Variants in C1GALT1 observed in about 807,000 individuals in gnomAD.
C1GALT1 encodes the protein glycoprotein-N-acetylgalactosamine 3-beta-galactosyltransferase 1.
Under a neutral mutation model 31.0 loss-of-function variants are expected in C1GALT1, and 11 were observed. That is an observed-to-expected ratio of 0.36 (90% CI 0.22 to 0.59). The LOEUF is 0.59. C1GALT1 is among the 20% of genes least tolerant of loss of function. C1GALT1 has a pLI of 0.79. For missense variants in C1GALT1, 424 were observed against 425.2 expected (o/e 1.00, Z 0.03); for synonymous variants, 175 against 143.6 (o/e 1.22, Z -1.56).
At chr7:7,195,839 A>G (rs558164958) in intron 1 of C1GALT1, among the ~76,000 whole-genome samples, 1 of 152,246 alleles carries the variant, frequency 6.6e-6, no homozygotes, top group South Asian at 2.1e-4. Context: ...TGTTTTATAA[A>G]TTAGGGAACT....
Position 7,245,763 on chromosome 7 carries a change from G to C in C1GALT1, c.*2036G>C, listed in dbSNP as rs1440113609. 1.3e-5 allele frequency: 2 copies of C among 152,174 alleles called. No individual in the cohort carries two copies. The highest frequency in any genetic ancestry group is 2.9e-5 in the Non-Finnish European group (2 of 68,026). The allele number at this position is 152,174 out of a possible 1,614,324, so 9.4% of individuals were successfully genotyped here. A position where few individuals can be genotyped will look rare whatever the true frequency, so the allele number is the denominator to read the frequency against. On this transcript the variant is annotated 3_prime_UTR_variant, in exon 4 of 4. Transcript: ENST00000436587. ...TACTATAGATATCCAAAAACCTTGAGATTTGCTCATAGGAAATGAATATTG... is the reference window on the plus strand; with the variant it reads ...TACTATAGATATCCAAAAACCTTGACATTTGCTCATAGGAAATGAATATTG...
intron 1 of C1GALT1, among the ~76,000 whole-genome samples, chr7:7,223,264 T>G (rs1418217047): frequency 2.0e-5 from 3 of 152,188 alleles, no homozygotes; most frequent in African/African-American, 4.8e-5. Flanking sequence ...GTTCAAGCAA[T>G]TCTCCTGCTT....
chr7:7,193,773 A>G (rs199561431), intron 1 of C1GALT1, among the ~76,000 whole-genome samples: 6 of 152,068 alleles, frequency 3.9e-5, no homozygotes, highest in Admixed American at 3.3e-4. Context: ...TGGCAGTATG[A>G]TCATTTTCAC....
chr7:7,211,278 A>G (rs185728536), intron 1 of C1GALT1, among the ~76,000 whole-genome samples: 1 of 152,356 alleles, frequency 6.6e-6, no homozygotes, highest in East Asian at 1.9e-4. Context: ...ACTGGAATGT[A>G]TTAAAGAAGA....
chr7:7,225,694 A>T (rs960189641), intron 1 of C1GALT1, among the ~76,000 whole-genome samples: 2 of 152,238 alleles, frequency 1.3e-5, no homozygotes, highest in African/African-American at 4.8e-5. Flanking sequence ...AGAGGCATGA[A>T]TATTTAGTCT....
chr7:7,164,718 C>T (rs1780374238), intron 2 of C1GALT1, among the ~76,000 whole-genome samples: 1 of 151,986 alleles, frequency 6.6e-6, no homozygotes, highest in African/African-American at 2.4e-5. Flanking sequence ...TTTTTAATAC[C>T]CCTATGTTGA....
At chr7:7,198,877 G>C (rs1781412933) in intron 1 of C1GALT1, among the ~76,000 whole-genome samples, 1 of 152,124 alleles carries the variant, frequency 6.6e-6, no homozygotes, top group Non-Finnish European at 1.5e-5. Context: ...GATCGGTGGT[G>C]ATATGCCCTT....
At chr7:7,182,247 G>A (rs114307654), upstream of C1GALT1, among the ~76,000 whole-genome samples, 904 of 152,272 alleles carry the variant, frequency 5.9e-3, 4 homozygotes, top group African/African-American at 0.021. Context: ...GGTCCTTCAA[G>A]CATCCCCTTT....
At chr7:7,181,333 A>C (rs569234141), upstream of C1GALT1, among the ~76,000 whole-genome samples, 1 of 152,204 alleles carries the variant, frequency 6.6e-6, no homozygotes, top group South Asian at 2.1e-4. Context: ...GGACGTAATC[A>C]TGTAAGGCAG....
Position 7,173,713 on chromosome 7 carries a change from G to A in C1GALT1, c.-18+16287G>A, listed in dbSNP as rs182112469. On this transcript the variant is annotated intron_variant, in intron 2 of 3. Transcript: ENST00000429911. ...GCTCAGGAGTTGAAGACCAGTCTGC[G>A]CAACATGGTGAAACCCTATTTCTAT... Among the ~76,000 whole-genome samples the A allele has an allele frequency of 1.0e-3, 152 of 152,156 alleles. 1 individual carries two copies. Among genetic ancestry groups the A allele is most frequent in the Admixed American group, 2.7e-3 (41 of 15,288 alleles).
chr7:7,238,284 T>C lies in C1GALT1; in HGVS notation c.250T>C (p.Tyr84His). The change falls in exon 3 of 4, where the codon TAT becomes CAT. Residue 84 changes from tyrosine (Y) to histidine (H), a missense_variant. By Grantham distance (83) the Tyr-to-His change is moderately conservative. Coordinates refer to ENST00000436587, the MANE Select transcript of C1GALT1 (RefSeq NM_020156.5). This position sits in a 1 kb window ranked among gnomAD's most constrained non-coding sequence, Gnocchi z 5.2. ...DENTDIAENLYQKVRILCWVM... is the reference protein window; with the variant it reads ...DENTDIAENLHQKVRILCWVM... ...GAACACAGACATTGCTGAAAACCTC[T>C]ATCAGAAAGTTAGAATTCTTTGCTG... The C allele has an allele frequency of 6.2e-7, 1 of 1,607,028 alleles. No homozygotes were observed. Among genetic ancestry groups the C allele is most frequent in the African/African-American group, 1.3e-5 (1 of 74,406 alleles).
intron 1 of C1GALT1, among the ~76,000 whole-genome samples, chr7:7,185,783 T>C (rs922737237): frequency 3.1e-4 from 47 of 152,246 alleles, no homozygotes; most frequent in African/African-American, 1.1e-3. Flanking sequence ...GACTTCAACC[T>C]ATCTTTTGTG....
intron 1 of C1GALT1, among the ~76,000 whole-genome samples, chr7:7,230,575 A>C (rs933235542): frequency 2.7e-5 from 4 of 147,154 alleles, no homozygotes; most frequent in African/African-American, 1.0e-4. Flanking sequence ...TTCTAAATCA[A>C]CCACCTTACT....
At chr7:7,241,727 T>C (rs533245740) in intron 3 of C1GALT1, among the ~76,000 whole-genome samples, 1 of 152,168 alleles carries the variant, frequency 6.6e-6, no homozygotes, top group East Asian at 1.9e-4. Context: ...TCTGGCTTTG[T>C]AACTGAATTC....
chr7:7,225,555 A>G (rs901665516), intron 1 of C1GALT1, among the ~76,000 whole-genome samples: 7 of 152,152 alleles, frequency 4.6e-5, no homozygotes, highest in Admixed American at 2.6e-4. Flanking sequence ...CTACTTAATA[A>G]ATTTATTTTT....
chr7:7,204,774 T>C (rs749555860), intron 1 of C1GALT1, among the ~76,000 whole-genome samples: 1 of 152,190 alleles, frequency 6.6e-6, no homozygotes, highest in African/African-American at 2.4e-5. Context: ...AAGTATTTTC[T>C]AATTACTCTT....
intron 2 of C1GALT1, among the ~76,000 whole-genome samples, chr7:7,168,289 C>G (rs1486260563): frequency 2.0e-5 from 3 of 152,012 alleles, no homozygotes; most frequent in African/African-American, 7.3e-5. Context: ...GAAGGCCAGC[C>G]TAGAGCAGGA....
chr7:7,215,164 G>A (rs1273842988), intron 1 of C1GALT1, among the ~76,000 whole-genome samples: 2 of 152,190 alleles, frequency 1.3e-5, no homozygotes, highest in African/African-American at 4.8e-5. Context: ...CTGTAGCCAA[G>A]TTTGCCACCG....
chr7:7,184,467 C>T (rs1780729332), intron 1 of C1GALT1, among the ~76,000 whole-genome samples: 1 of 152,070 alleles, frequency 6.6e-6, no homozygotes, highest in Non-Finnish European at 1.5e-5. Context: ...AATTCAATAT[C>T]CAGTTATTCT....
Sources: gnomAD v4.1 joint callset for allele counts (sites outside exome capture counted in the v4.1 genomes callset) on GRCh38, gnomAD v4.1.1 for gene constraint, Gnocchi (gnomAD v3.1) non-coding constraint, MANE v1.5 for transcripts, NCBI Gene and HGNC (gene_info 2026-07-23, HGNC 2026-07-21) for gene names.